Variants in MED12L observed in about 807,000 individuals in gnomAD.
The protein encoded by MED12L is mediator of RNA polymerase II transcription subunit 12-like protein.
A neutral mutation model predicts 281.3 loss-of-function variants in MED12L; 60 were observed. The ratio of observed to expected loss-of-function variants is 0.21; its 90% CI spans 0.17 to 0.26. The LOEUF (loss-of-function observed/expected upper bound fraction) is 0.26. Ranked by LOEUF, MED12L falls within the 10% of genes least tolerant of loss-of-function variation. MED12L has a pLI of 1.00. For synonymous variants in MED12L, 974 were observed against 987.2 expected, an observed-to-expected ratio of 0.99 and a Z score of 0.25; for missense variants, 2,146 against 2,680.9, an observed-to-expected ratio of 0.80 and a Z score of 4.41.
rs1425026020 is a variant in MED12L, at chr3:151,328,267, G to C, written c.2251-21792G>C. The C allele has an allele frequency of 5.6e-6, 9 of 1,613,964 alleles. No individual in the cohort carries two copies. In the South Asian group the frequency reaches 8.8e-5, roughly 16 times the overall value. On this transcript the variant is annotated intron_variant, in intron 16 of 44. Transcript: ENST00000687756. ...GAAATGGAGCAAAACACACAAAGAA[G>C]ACAGCCACGACAACAAATACTTTGC... is the stretch of plus-strand genomic sequence containing the variant.
At chr3:151,205,768 T>C (rs2149179082) in intron 16 of MED12L, among the ~76,000 whole-genome samples, 1 of 152,316 alleles carries the variant, frequency 6.6e-6, no homozygotes, top group African/African-American at 2.4e-5. Context: ...CTTCTTACAA[T>C]GAAATTGCTG....
intron 16 of MED12L, among the ~76,000 whole-genome samples, chr3:151,260,072 G>A (rs1185801602): frequency 6.6e-6 from 1 of 152,152 alleles, no homozygotes; most frequent in Non-Finnish European, 1.5e-5. Flanking sequence ...CTCACTGCTG[G>A]GGATATGGTG....
chr3:151,385,266 G>T, intron 36 of MED12L, 75 bp downstream of exon 36: 2 of 813,294 alleles, frequency 2.5e-6, no homozygotes, highest in Admixed American at 3.1e-5. Flanking sequence ...CTTACCATAG[G>T]ATATATAAAA....
intron 16 of MED12L, among the ~76,000 whole-genome samples, chr3:151,330,832 G>A (rs998623125): frequency 1.3e-5 from 2 of 152,062 alleles, no homozygotes; most frequent in Non-Finnish European, 2.9e-5. Context: ...TTCATTAATA[G>A]AACATACATG....
At chr3:151,086,113 C>T (rs1560029699) in intron 1 of MED12L, among the ~76,000 whole-genome samples, 177 bp downstream of exon 1, 1 of 152,166 alleles carries the variant, frequency 6.6e-6, no homozygotes, top group Admixed American at 6.5e-5. Flanking sequence ...GTCGGCCCCA[C>T]GCCACCGTGA....
chr3:151,188,520 G>T, intron 13 of MED12L, 40 bp downstream of exon 13: 1 of 1,526,928 alleles, frequency 6.5e-7, no homozygotes, highest in Non-Finnish European at 8.8e-7. Flanking sequence ...TCTTAAATAA[G>T]GGATTGATTT....
chr3:151,285,896 C>T (rs887823800), intron 16 of MED12L, among the ~76,000 whole-genome samples: 1 of 152,108 alleles, frequency 6.6e-6, no homozygotes, highest in South Asian at 2.1e-4. Context: ...ACATGGAATC[C>T]GTTGGCTCCT....
Position 151,368,363 on chromosome 3 carries a change from C to T in MED12L, c.3550+112C>T, listed in dbSNP as rs1450786754. On this transcript the variant is annotated intron_variant, in intron 25 of 44. Coordinates refer to ENST00000687756, the MANE Select transcript of MED12L (RefSeq NM_001393769.1). The stretch of plus-strand genomic sequence containing the variant: ...TTGCCTTCTTAATTTTTTGGGCATG[C>T]CCTGGGGGTGATGAAGGGTGAGATG... The T allele has an allele frequency of 4.7e-6, 4 of 847,548 alleles. No individual in the cohort carries two copies. The Admixed American group carries it at 6.2e-5, about 13-fold the overall frequency. 52.5% of individuals were successfully genotyped at this position (847,548 alleles called of 1,614,324 possible). A position where few individuals can be genotyped will look rare whatever the true frequency, so the allele number is the denominator to read the frequency against.
chr3:151,325,569 A>G (rs1391667933), intron 16 of MED12L, among the ~76,000 whole-genome samples: 3 of 152,152 alleles, frequency 2.0e-5, no homozygotes, highest in Admixed American at 6.6e-5. Context: ...ATTTTGTGAA[A>G]GTGATTTTAA....
At chr3:151,332,690 G>A (rs947973205) in intron 16 of MED12L, among the ~76,000 whole-genome samples, 3 of 152,024 alleles carry the variant, frequency 2.0e-5, no homozygotes, top group African/African-American at 4.8e-5. Context: ...ATTTATTTAT[G>A]TATTGGATTT....
intron 5 of MED12L, among the ~76,000 whole-genome samples, chr3:151,145,403 G>A (rs1364512538): frequency 2.0e-5 from 3 of 152,200 alleles, no homozygotes; most frequent in Admixed American, 2.0e-4. Flanking sequence ...ATATGGTAAT[G>A]TTCGCTACAT....
intron 16 of MED12L, among the ~76,000 whole-genome samples, chr3:151,237,410 C>T (rs1327633918): frequency 2.4e-5 from 3 of 123,182 alleles, no homozygotes; most frequent in Non-Finnish European, 4.8e-5. Context: ...AGTGTGGTGG[C>T]ACGATCTTGG....
At chr3:151,173,787 A>G (rs902158953) in intron 11 of MED12L, among the ~76,000 whole-genome samples, 4 of 152,240 alleles carry the variant, frequency 2.6e-5, no homozygotes, top group Non-Finnish European at 5.9e-5. Context: ...GTAGTAGTAC[A>G]TGATAAGCAC....
At chr3:151,405,942 T>C (rs181125282) in intron 39 of MED12L, among the ~76,000 whole-genome samples, 1 of 152,370 alleles carries the variant, frequency 6.6e-6, no homozygotes, top group East Asian at 1.9e-4. Context: ...TCTGGATTTC[T>C]TGGTTAACAG....
At chr3:151,146,138 C>T (rs547154796) in intron 5 of MED12L, among the ~76,000 whole-genome samples, 1 of 152,216 alleles carries the variant, frequency 6.6e-6, no homozygotes, top group African/African-American at 2.4e-5. Context: ...CGACTCCAGA[C>T]CTCTGGAGTT....
chr3:151,326,900 A>G (rs1749667485), intron 16 of MED12L: 2 of 152,212 alleles, frequency 1.3e-5, no homozygotes, highest in African/African-American at 4.8e-5. Flanking sequence ...AAAAATACCA[A>G]GGTAAATAAA....
In MED12L at chr3:151,316,291, T is replaced by C. The variant is rs543213763; in HGVS notation, c.2251-33768T>C. 3.9e-5 allele frequency: 6 copies of C among 152,362 alleles called. No homozygotes were observed. In the South Asian group the frequency reaches 1.2e-3, roughly 32 times the overall value. 9.4% of individuals were successfully genotyped at this position (152,362 alleles called of 1,614,324 possible). The stretch of plus-strand genomic sequence containing the variant: ...AACAATTATAAGAGACTTTGACTTT[T>C]ACTCATCTAATAAAGTAAATGTGGT... On this transcript the variant is annotated intron_variant, in intron 16 of 44. Transcript: ENST00000687756.
chr3:151,105,518 G>A (rs1228617019), intron 2 of MED12L, among the ~76,000 whole-genome samples: 1 of 152,152 alleles, frequency 6.6e-6, no homozygotes, highest in East Asian at 1.9e-4. Context: ...CCTTTGGGAA[G>A]CAGTTTCTTC....
rs202126258 is a variant in MED12L at position 151,282,348 on chromosome 3, G to GT, written c.2251-67702dup. On this transcript the variant is annotated intron_variant, in intron 16 of 44. Coordinates refer to ENST00000687756, the MANE Select transcript of MED12L (RefSeq NM_001393769.1). ...GATATTTGCTGGGTTATATAATTTA[G>GT]TTTTTTTTTGTTTTTTTTTGTTTGT... Among the ~76,000 whole-genome samples, 1,319 of 132,122 alleles carry GT rather than the reference G, an allele frequency of 1.0e-2. 9 individuals carry two copies. The highest frequency in any genetic ancestry group is 0.013 in the Non-Finnish European group (847 of 63,100). The allele number at this position is 132,122 out of a possible 152,430, so 86.7% of individuals were successfully genotyped here.
Sources: gnomAD v4.1 joint callset for allele counts (sites outside exome capture counted in the v4.1 genomes callset) on GRCh38, gnomAD v4.1.1 for gene constraint, MANE v1.5 for transcripts, NCBI Gene and HGNC (gene_info 2026-07-23, HGNC 2026-07-21) for gene names.